The following TNIK variants were observed in gnomAD, a reference collection of about 807,000 sequenced individuals.
The protein encoded by TNIK is TRAF2 and NCK-interacting protein kinase.
A neutral mutation model predicts 191.3 loss-of-function variants in TNIK; 49 were observed. The ratio of observed to expected loss-of-function variants is 0.26; its 90% confidence interval spans 0.20 to 0.32. TNIK has a LOEUF of 0.32. Among genes scored for constraint, TNIK ranks in the 10% least tolerant of loss-of-function variants. The pLI is 1.00. For synonymous variants in TNIK, 594 were observed against 600.9 expected (o/e 0.99, Z 0.17); for missense variants, 1,155 against 1,702.3 (o/e 0.68, Z 5.66).
rs1200472836 is a variant in TNIK, at chr3:171,159,531, A to C, written c.1016+1739T>G. ...ACTTAGAGCCTTTGTGTCAAACTCT[A>C]AAACCCCAAACGATGGTGCTTATCT... On this transcript the variant is annotated intron_variant, in intron 11 of 32. Transcript: ENST00000436636. This position sits in a 1 kb window ranked among gnomAD's most constrained non-coding sequence, Gnocchi z 4.1. Among the ~76,000 whole-genome samples the C allele has an allele frequency of 1.3e-5, 2 of 152,068 alleles. No homozygotes were observed. Among genetic ancestry groups the C allele is most frequent in the Non-Finnish European group, 2.9e-5 (2 of 68,018 alleles).
At chr3:171,258,475 CT>C (rs1431293891) in intron 2 of TNIK, among the ~76,000 whole-genome samples, 1 of 152,080 alleles carries the variant, frequency 6.6e-6, no homozygotes, top group Non-Finnish European at 1.5e-5. Context: ...TTCCCCTCAC[CT>C]TTTTCCAATG....
At chr3:171,425,791 G>A in intron 1 of TNIK, among the ~76,000 whole-genome samples, 1 of 147,780 alleles carries the variant, frequency 6.8e-6, no homozygotes, top group Non-Finnish European at 1.5e-5. Flanking sequence ...TCACGCCACT[G>A]TACTACAGCC....
At chr3:171,230,649 C>T (rs892100729) in intron 2 of TNIK, among the ~76,000 whole-genome samples, 5 of 152,078 alleles carry the variant, frequency 3.3e-5, no homozygotes, top group Non-Finnish European at 5.9e-5. Flanking sequence ...TCTGGGATGC[C>T]CTTTGCCTTC....
chr3:171,379,429 G>T (rs1717712406), intron 1 of TNIK, among the ~76,000 whole-genome samples: 1 of 152,236 alleles, frequency 6.6e-6, no homozygotes, highest in Admixed American at 6.5e-5. Context: ...TTAATCCTTT[G>T]TCAGCTGCTG....
intron 23 of TNIK, 84 bp from the exon 24 acceptor site, chr3:171,087,590 T>C (rs563063220): frequency 1.5e-5 from 22 of 1,476,932 alleles, no homozygotes; most frequent in Non-Finnish European, 2.0e-5. Flanking sequence ...AGCATAGGCA[T>C]ACGGGGCTCC....
In TNIK at chr3:171,138,384, C is replaced by A; in HGVS notation, c.1420-5G>T. Reference sequence around the variant, plus strand: ...CAATTGTTTGCGCTTATATTCCTGTCCAGATCAGGAAAGAGGAGCAAAGAA... The same window carrying A: ...CAATTGTTTGCGCTTATATTCCTGTACAGATCAGGAAAGAGGAGCAAAGAA... On this transcript the variant is annotated splice_region_variant and splice_polypyrimidine_tract_variant and intron_variant, in intron 14 of 32. Coordinates refer to ENST00000436636, the MANE Select transcript of TNIK (RefSeq NM_015028.4). 1 of 1,567,152 alleles carries A rather than the reference C, an allele frequency of 6.4e-7. No individual in the cohort carries two copies. Among genetic ancestry groups the A allele is most frequent in the Non-Finnish European group, 8.6e-7 (1 of 1,159,268 alleles).
chr3:171,151,611 G>GA (rs1310064468), intron 12 of TNIK, among the ~76,000 whole-genome samples: 2 of 152,176 alleles, frequency 1.3e-5, no homozygotes, highest in Admixed American at 1.3e-4. Flanking sequence ...TGTAAAACAG[G>GA]AAAGTTAAAG....
chr3:171,436,503 G>A (rs1056235026), intron 1 of TNIK, among the ~76,000 whole-genome samples: 7 of 152,176 alleles, frequency 4.6e-5, no homozygotes, highest in Non-Finnish European at 1.0e-4. Flanking sequence ...GAAAAGTGTA[G>A]GGATTTTACA....
chr3:171,347,391 T>TCACA (rs150384769), intron 2 of TNIK, among the ~76,000 whole-genome samples: 39,529 of 145,932 alleles, frequency 0.27, 5,240 homozygotes, highest in Non-Finnish European at 0.29. Context: ...GAAGTGCCTA[T>TCACA]CACACACACA....
intron 10 of TNIK, among the ~76,000 whole-genome samples, chr3:171,163,606 T>C (rs1027923854): frequency 5.3e-5 from 8 of 152,180 alleles, no homozygotes; most frequent in Admixed American, 2.0e-4. Flanking sequence ...AGAACCTGCA[T>C]AAAGCATTTT....
chr3:171,230,405 T>C lies in TNIK; in HGVS notation c.124-2184A>G, dbSNP rs184081617. Among the ~76,000 whole-genome samples, 220 of 152,254 alleles carry C rather than the reference T, an allele frequency of 1.4e-3. 1 individual carries two copies. The highest frequency in any genetic ancestry group is 5.1e-3 in the African/African-American group (212 of 41,540). On this transcript the variant is annotated intron_variant, in intron 2 of 32. Transcript: ENST00000436636. ...AACGTAGGCAAATACAGAGGGTCTG[T>C]CTGATATTATATAGCTGATTTGCCT... is the stretch of plus-strand genomic sequence containing the variant.
intron 1 of TNIK, among the ~76,000 whole-genome samples, chr3:171,397,144 C>T (rs571171144): frequency 8.5e-5 from 13 of 152,304 alleles, no homozygotes; most frequent in Middle Eastern, 3.4e-3. Context: ...TCTATTCACA[C>T]CCTCACAAAT....
At chr3:171,347,391 TCACACACACACACA>T (rs150384769) in intron 2 of TNIK, among the ~76,000 whole-genome samples, 5 of 146,070 alleles carry the variant, frequency 3.4e-5, no homozygotes, top group Admixed American at 6.9e-5. Context: ...GAAGTGCCTA[TCACACACACACACA>T]CACACACACA....
chr3:171,456,352 G>A (rs913666606), intron 1 of TNIK, among the ~76,000 whole-genome samples: 13 of 152,142 alleles, frequency 8.5e-5, no homozygotes, highest in African/African-American at 3.1e-4. Flanking sequence ...TCAAGCCCCA[G>A]GTTTGAATGA....
intron 1 of TNIK, among the ~76,000 whole-genome samples, chr3:171,380,661 A>G (rs1442088461): frequency 6.6e-6 from 1 of 152,058 alleles, no homozygotes; most frequent in East Asian, 2.0e-4. Flanking sequence ...CCAGCTGCCT[A>G]CCTGTCCCCA....
At chr3:171,200,171 T>C (rs951538964) in intron 4 of TNIK, among the ~76,000 whole-genome samples, 1 of 152,132 alleles carries the variant, frequency 6.6e-6, no homozygotes, top group Admixed American at 6.5e-5. Context: ...TTTAAAGGAA[T>C]CTAACATTTG....
chr3:171,175,271 G>A lies in TNIK; in HGVS notation c.754C>T (p.Arg252Trp), dbSNP rs758098342. Residue 252 changes from arginine to tryptophan, a missense_variant, in exon 9 of 33, where the codon CGG (arginine) becomes TGG (tryptophan). By Grantham distance (101) the Arg-to-Trp change is moderately radical (BLOSUM62 -3). Transcript: ENST00000436636. ...ACTCACCACTTCTTAGACTTCAGCCGAGGCGCTGGGTTCCGGGGGATGAGG... is the reference window on the plus strand; with the variant it reads ...ACTCACCACTTCTTAGACTTCAGCCAAGGCGCTGGGTTCCGGGGGATGAGG... ...LFLIPRNPAP[R>W]LKSKKWSKKF... 1 of 1,612,746 alleles carries A rather than the reference G, an allele frequency of 6.2e-7. No individual in the cohort carries two copies. The highest frequency in any genetic ancestry group is 8.5e-7 in the Non-Finnish European group (1 of 1,179,500).
chr3:171,065,767 T>C (rs780809502), intron 32 of TNIK, among the ~76,000 whole-genome samples: 1 of 152,210 alleles, frequency 6.6e-6, no homozygotes, highest in Non-Finnish European at 1.5e-5. Flanking sequence ...TTTCTAAACG[T>C]CAAATGTTTT....
At chr3:171,079,746 C>CAT in intron 27 of TNIK, 94 bp from the exon 28 acceptor site, 3 of 1,314,742 alleles carry the variant, frequency 2.3e-6, no homozygotes, top group Admixed American at 2.7e-5. Flanking sequence ...ATTTTATTTA[C>CAT]GTGTGTGTGT....
Sources: allele counts gnomAD v4.1 joint callset (sites outside exome capture counted in the v4.1 genomes callset), GRCh38; gene constraint gnomAD v4.1.1; non-coding constraint Gnocchi (gnomAD v3.1); transcripts MANE v1.5; gene names NCBI Gene and HGNC (gene_info 2026-07-23, HGNC 2026-07-21).